Variants in MAN2A2 observed in about 807,000 individuals in gnomAD.
The protein encoded by MAN2A2 is mannosidase alpha class 2A member 2, also known as alpha-mannosidase 2x.
Under a neutral mutation model 126.8 loss-of-function variants are expected in MAN2A2, and 79 were observed. The observed-to-expected ratio is 0.62, with a 90% CI of 0.52 to 0.75. The LOEUF (loss-of-function observed/expected upper bound fraction) is 0.75, where lower values mean the gene tolerates loss of function less well. Among genes scored for constraint, MAN2A2 ranks in the 30% least tolerant of loss-of-function variants. MAN2A2 has a pLI of 0.00. For synonymous variants in MAN2A2, 671 were observed against 618.7 expected, an observed-to-expected ratio of 1.08 and a Z score of -1.25; for missense variants, 1,392 against 1,522.4, an observed-to-expected ratio of 0.91 and a Z score of 1.43.
At chr15:90,913,864 A>G (rs1038332884) in intron 19 of MAN2A2, 109 bp downstream of exon 19, 4 of 1,358,392 alleles carry the variant, frequency 2.9e-6, no homozygotes, top group Non-Finnish European at 3.9e-6. Context: ...TCTGGACTGC[A>G]TCACCTCCAT....
intron 14 of MAN2A2, 66 bp from the exon 15 acceptor site, chr15:90,911,977 C>G: frequency 7.5e-7 from 1 of 1,329,334 alleles, no homozygotes; most frequent in South Asian, 1.3e-5. Context: ...TGTTAGTAAG[C>G]GGATGCCTCA....
chr15:90,919,866 G>A lies in MAN2A2; in HGVS notation c.*79G>A, dbSNP rs1038300960. 2 of 1,529,144 alleles carry A rather than the reference G, an allele frequency of 1.3e-6. No homozygotes were observed. The highest frequency in any genetic ancestry group is 1.4e-5 in the African/African-American group (1 of 73,196). The allele number at this position is 1,529,144 out of a possible 1,614,324, so 94.7% of individuals were successfully genotyped here. On this transcript the variant is annotated 3_prime_UTR_variant, in exon 23 of 23. Coordinates refer to ENST00000559717, the MANE Select transcript of MAN2A2 (RefSeq NM_006122.4). Reference sequence around the variant, plus strand: ...GAAGATCATTGGACAAGCCACACGGGTATCCCATCCCGATCTGCCTCCCAG... The same window carrying A: ...GAAGATCATTGGACAAGCCACACGGATATCCCATCCCGATCTGCCTCCCAG...
chr15:90,910,288 C>T lies in MAN2A2; in HGVS notation c.1573C>T (p.Leu525=). 1.2e-6 allele frequency: 2 copies of T among 1,613,998 alleles called. No individual in the cohort carries two copies. ...CTTAGACCGAGTCCTGGAAGCCCAC[C>T]TGCGGTGAGACCCTGTCCCCGCTTC... ...KSLDRVLEAH[L]RGAEVLYSLA... is the part of the protein sequence containing the mutation. Residue 525 remains leucine, a synonymous_variant, in exon 10 of 23, where the codon CTG becomes TTG. Transcript: ENST00000559717.
chr15:90,913,471 G>T (rs751715816), intron 18 of MAN2A2, 65 bp downstream of exon 18: 201 of 1,579,992 alleles, frequency 1.3e-4, no homozygotes, highest in Non-Finnish European at 1.7e-4. Context: ...TTTTGCCCCT[G>T]TCACAGGCCC....
Position 90,912,880 on chromosome 15 carries a change from T to G in MAN2A2, c.2473T>G (p.Tyr825Asp). 6.2e-7 allele frequency: 1 copy of G among 1,613,382 alleles called. No individual in the cohort carries two copies. The highest frequency in any genetic ancestry group is 1.6e-4 in the Middle Eastern group (1 of 6,062). ...CAGCAATCTGCTCTTTCTCTAGCCCTACGTCCCCAAGGAGCCCCCCGTGCT... is the reference window on the plus strand; with the variant it reads ...CAGCAATCTGCTCTTTCTCTAGCCCGACGTCCCCAAGGAGCCCCCCGTGCT... Reference protein sequence around the residue: ...LFLPDGEAKPYVPKEPPVLRV... With the variant: ...LFLPDGEAKPDVPKEPPVLRV... Residue 825 changes from tyrosine (Y) to aspartate (D), a missense_variant, in exon 17 of 23, where the codon TAC (tyrosine) becomes GAC (aspartate). By Grantham distance (160) the Tyr-to-Asp change is radical. Transcript: ENST00000559717.
rs753174851 is a variant in MAN2A2, at chr15:90,910,541, C to T, written c.1618C>T (p.Arg540Cys). The change falls in exon 11 of 23, where the codon CGC becomes TGC. Residue 540 changes from arginine (R) to cysteine (C), a missense_variant. Transcript: ENST00000559717. ...GTACAGCCTGGCTGCAGCTCACGCT[C>T]GCCGCTCTGGTCTGGCTGGCCGGTA... ...VLYSLAAAHA[R>C]RSGLAGRYPL... 1.8e-5 allele frequency: 29 copies of T among 1,613,978 alleles called. No individual in the cohort carries two copies. Among genetic ancestry groups the T allele is most frequent in the South Asian group, 7.7e-5 (7 of 91,092 alleles).
At chr15:90,919,531 C>A (rs2151333805) in intron 22 of MAN2A2, 104 bp from the exon 23 acceptor site, 1 of 1,398,744 alleles carries the variant, frequency 7.1e-7, no homozygotes, top group Non-Finnish European at 9.9e-7. Flanking sequence ...GAGCCACTGC[C>A]CCTGGCTGAG....
Position 90,916,228 on chromosome 15 carries a change from T to C in MAN2A2, c.2966T>C (p.Leu989Pro). The C allele has an allele frequency of 6.2e-7, 1 of 1,614,108 alleles. No homozygotes were observed. Among genetic ancestry groups the C allele is most frequent in the Non-Finnish European group, 8.5e-7 (1 of 1,180,000 alleles). The change falls in exon 20 of 23, where the codon CTG becomes CCG. Residue 989 changes from leucine to proline, a missense_variant. By Grantham distance (98) the Leu-to-Pro change is moderately conservative (BLOSUM62 -3). Coordinates refer to ENST00000559717, the MANE Select transcript of MAN2A2 (RefSeq NM_006122.4). The part of the protein sequence containing the change: ...NKRTCNRFRL[L>P]LERRTVGSEV... ...AGAACCTGCAACCGTTTCCGCCTCCTGCTAGAGCGGCGAACCGTGGGCAGT... is the reference window on the plus strand; with the variant it reads ...AGAACCTGCAACCGTTTCCGCCTCCCGCTAGAGCGGCGAACCGTGGGCAGT...
Position 90,918,293 on chromosome 15 carries a change from C to T in MAN2A2, c.3094C>T (p.Gln1032Ter). The change falls in exon 21 of 23, where the codon CAG (glutamine) becomes TAG (stop). Residue 1032 changes from glutamine to a stop codon, truncating the protein, a stop_gained. Transcript: ENST00000559717. LOFTEE classifies it high-confidence loss of function. ...PALALPVARM[Q>*]LPGPGLRSFH... The stretch of plus-strand genomic sequence containing the variant: ...GCTCGCTCTGCCTGTAGCCAGGATG[C>T]AGCTCCCAGGCCCTGGTCTGCGCTC... 1.2e-6 allele frequency: 2 copies of T among 1,614,198 alleles called. No homozygotes were observed. The highest frequency in any genetic ancestry group is 1.7e-6 in the Non-Finnish European group (2 of 1,180,034).
intron 12 of MAN2A2, 74 bp downstream of exon 12, chr15:90,911,035 G>A: frequency 6.8e-7 from 1 of 1,480,152 alleles, no homozygotes; most frequent in East Asian, 2.3e-5. Context: ...CTGGATGGGG[G>A]TGCCGCTTCT....
rs1377235650 is a variant in MAN2A2, at chr15:90,909,368, T to C, written c.1238T>C (p.Leu413Pro). 1 of 1,614,010 alleles carries C rather than the reference T, an allele frequency of 6.2e-7. No individual in the cohort carries two copies. The highest frequency in any genetic ancestry group is 1.3e-5 in the African/African-American group (1 of 75,046). The change falls in exon 9 of 23, where the codon CTG becomes CCG. Residue 413 changes from leucine to proline, a missense_variant. Transcript: ENST00000559717. ...GACCAATACCGGAAGAAGTCCCAGC[T>C]GTTCCGAAGCAACGTCCTCCTGGTG... ...LLDQYRKKSQ[L>P]FRSNVLLVPL...
rs1445428485 is a variant in MAN2A2 at position 90,907,314 on chromosome 15, G to T, written c.1015G>T (p.Asp339Tyr). 6.2e-7 allele frequency: 1 copy of T among 1,613,144 alleles called. No homozygotes were observed. The highest frequency in any genetic ancestry group is 1.1e-5 in the South Asian group (1 of 91,072). The change falls in exon 8 of 23, where the codon GAC becomes TAC. Residue 339 changes from aspartate to tyrosine, a missense_variant. Asp to Tyr is a radical substitution (Grantham distance 160). Coordinates refer to ENST00000559717, the MANE Select transcript of MAN2A2 (RefSeq NM_006122.4). ...EFMWRQTWDS[D>Y]SSTDIFCHMM... Reference sequence around the variant, plus strand: ...ACGTGGTGTGTCTCCTGCAGACTCGGACTCCAGCACAGACATCTTCTGTCA... The same window carrying T: ...ACGTGGTGTGTCTCCTGCAGACTCGTACTCCAGCACAGACATCTTCTGTCA...
At chr15:90,916,561 C>T in intron 20 of MAN2A2, 5 of 1,390,582 alleles carry the variant, frequency 3.6e-6, no homozygotes, top group Non-Finnish European at 1.9e-6. Flanking sequence ...CCCCGCTCAT[C>T]TCATGGCTTT....
chr15:90,918,267 C>G lies in MAN2A2; in HGVS notation c.3068C>G (p.Ala1023Gly), dbSNP rs373417566. The change falls in exon 21 of 23, where the codon GCG (alanine) becomes GGG (glycine). Residue 1023 changes from alanine (A) to glycine (G), a missense_variant. Coordinates refer to ENST00000559717, the MANE Select transcript of MAN2A2 (RefSeq NM_006122.4). ...HLTSMYLNAP[A>G]LALPVARMQL... ...ACCTCCATGTACCTGAACGCCCCGG[C>G]GCTCGCTCTGCCTGTAGCCAGGATG... is the stretch of plus-strand genomic sequence containing the variant. 1.0e-4 allele frequency: 164 copies of G among 1,614,072 alleles called. No individual in the cohort carries two copies. The highest frequency in any genetic ancestry group is 3.3e-4 in the Middle Eastern group (2 of 6,084).
chr15:90,908,584 A>ATTT (rs10532338), intron 8 of MAN2A2, among the ~76,000 whole-genome samples: 1 of 144,642 alleles, frequency 6.9e-6, no homozygotes, highest in Non-Finnish European at 1.5e-5. Flanking sequence ...ATTTAATTTA[A>ATTT]TTTTTTTTTT....
At chr15:90,915,319 G>T (rs1285148085) in intron 19 of MAN2A2, 1 of 152,260 alleles carries the variant, frequency 6.6e-6, no homozygotes, top group Admixed American at 6.5e-5. Flanking sequence ...GTGAAAGGGA[G>T]AATAAGGCCA....
intron 22 of MAN2A2, among the ~76,000 whole-genome samples, chr15:90,919,182 C>G (rs1294266992): frequency 6.6e-6 from 1 of 152,208 alleles, no homozygotes; most frequent in African/African-American, 2.4e-5. Context: ...ACCCAGAGAT[C>G]TGTAGGCAGG....
At chr15:90,918,612 C>A in intron 21 of MAN2A2, 33 bp from the exon 22 acceptor site, 1 of 1,414,278 alleles carries the variant, frequency 7.1e-7, no homozygotes, top group Admixed American at 1.7e-5. Context: ...GAAAGCCCTG[C>A]GCCCACTTCC....
Position 90,909,486 on chromosome 15 carries a change from G to A in MAN2A2, c.1356G>A (p.Arg452=). 6.2e-7 allele frequency: 1 copy of A among 1,613,808 alleles called. No homozygotes were observed. The highest frequency in any genetic ancestry group is 8.5e-7 in the Non-Finnish European group (1 of 1,179,732). Residue 452 remains arginine, a synonymous_variant, in exon 9 of 23, where the codon AGG becomes AGA. Transcript: ENST00000559717. ...YQRLFDFFNS[R]PNLHVQAQFG... Reference sequence around the variant, plus strand: ...GGCTCTTTGACTTCTTCAACAGCAGGCCTAACCTCCATGTGCAGGTGTGAG... The same window carrying A: ...GGCTCTTTGACTTCTTCAACAGCAGACCTAACCTCCATGTGCAGGTGTGAG...
Sources: allele counts gnomAD v4.1 joint callset (sites outside exome capture counted in the v4.1 genomes callset), GRCh38; gene constraint gnomAD v4.1.1; transcripts MANE v1.5; gene names NCBI Gene and HGNC (gene_info 2026-07-23, HGNC 2026-07-21).